RBPJ: variants seen among roughly 807,000 people sequenced by gnomAD.
RBPJ encodes recombination signal binding protein for immunoglobulin kappa J region.
In RBPJ, 9 loss-of-function variants were observed where a neutral mutation model predicts 67.8. The observed-to-expected ratio is 0.13, with a 90% CI of 0.08 to 0.23. RBPJ has a LOEUF of 0.23. Among genes scored for constraint, RBPJ ranks in the 10% least tolerant of loss-of-function variants. The probability of loss-of-function intolerance (pLI) is 1.00; values close to 1 mark genes in which losing one functional copy is unlikely to be tolerated. For synonymous variants in RBPJ, 198 were observed against 203.3 expected, an observed-to-expected ratio of 0.97 and a Z score of 0.22; for missense variants, 305 against 595.6, an observed-to-expected ratio of 0.51 and a Z score of 5.08.
Position 26,434,581 on chromosome 4 carries a change from T to G in RBPJ, c.*3574T>G, listed in dbSNP as rs1417781524. On this transcript the variant is annotated 3_prime_UTR_variant, in exon 11 of 11. Coordinates refer to ENST00000355476, the MANE Select transcript of RBPJ (RefSeq NM_015874.6). ...TATATTAGGGTTTCTGTTTAACCCTTTCAGGACTGAACTGTATCTCCTTTT... is the reference window on the plus strand; with the variant it reads ...TATATTAGGGTTTCTGTTTAACCCTGTCAGGACTGAACTGTATCTCCTTTT... 1.3e-5 allele frequency: 2 copies of G among 152,232 alleles called. No homozygotes were observed. Among genetic ancestry groups the G allele is most frequent in the African/African-American group, 4.8e-5 (2 of 41,466 alleles). 9.4% of individuals were successfully genotyped at this position (152,232 alleles called of 1,614,324 possible).
chr4:26,195,947 T>C (rs933430013), intron 1 of RBPJ, among the ~76,000 whole-genome samples: 2 of 151,772 alleles, frequency 1.3e-5, no homozygotes, highest in Non-Finnish European at 2.9e-5. Context: ...TATTTTCAAA[T>C]TGAGTGCACA....
chr4:26,139,290 G>A, the RBPJ span, among the ~76,000 whole-genome samples: 1 of 152,232 alleles, frequency 6.6e-6, no homozygotes, highest in Non-Finnish European at 1.5e-5. Flanking sequence ...TAAGTGCTTA[G>A]TGTAGTGCCC....
At position 26,420,720 on chromosome 4, in the gene RBPJ, C is replaced by T. The variant is rs770605972; in HGVS notation, c.491C>T (p.Ala164Val). Residue 164 changes from alanine (A) to valine (V), a missense_variant, in exon 5 of 11, where the codon GCT (alanine) becomes GTT (valine). By Grantham distance (64) the Ala-to-Val change is moderately conservative. Around this residue, in one of 7 missense-constraint regions of RBPJ, gnomAD observed 66 missense variants for 226.0 expected, o/e 0.29. Coordinates refer to ENST00000355476, the MANE Select transcript of RBPJ (RefSeq NM_015874.6). ...PSKKKQSLKN[A>V]DLCIASGTKV... is the part of the protein sequence containing the mutation. The stretch of plus-strand genomic sequence containing the variant: ...AAAAAGAAGCAGTCATTGAAAAATG[C>T]TGACTGTATGTATGCTTTTCTTATT... 2 of 1,609,280 alleles carry T rather than the reference C, an allele frequency of 1.2e-6. No individual in the cohort carries two copies. The highest frequency in any genetic ancestry group is 1.7e-6 in the Non-Finnish European group (2 of 1,177,806).
chr4:26,376,393 G>T (rs1447331447), intron 1 of RBPJ, among the ~76,000 whole-genome samples: 3 of 152,138 alleles, frequency 2.0e-5, no homozygotes, highest in Non-Finnish European at 4.4e-5. Context: ...GTCCTTTTGT[G>T]TTTGGCTTAT....
chr4:26,193,380 A>G (rs958791724), intron 1 of RBPJ, among the ~76,000 whole-genome samples: 3 of 152,212 alleles, frequency 2.0e-5, no homozygotes, highest in African/African-American at 4.8e-5. Flanking sequence ...CAGTTTTGGA[A>G]TAAGTAAAGG....
chr4:26,117,073 G>T, the RBPJ span, among the ~76,000 whole-genome samples: 12 of 152,166 alleles, frequency 7.9e-5, no homozygotes, highest in Non-Finnish European at 1.6e-4. Context: ...CACAAAGTTG[G>T]CCACTCAATT....
the RBPJ span, among the ~76,000 whole-genome samples, chr4:26,154,148 T>G: frequency 1.3e-5 from 2 of 152,026 alleles, no homozygotes; most frequent in Non-Finnish European, 2.9e-5. Flanking sequence ...AGAGCTCCCC[T>G]CCACTCTGTG....
the RBPJ span, among the ~76,000 whole-genome samples, chr4:26,124,931 A>G: frequency 1.3e-5 from 2 of 152,152 alleles, no homozygotes; most frequent in Non-Finnish European, 2.9e-5. Context: ...CAGGACTGCT[A>G]TGGCAACAGC....
chr4:26,225,097 T>C (rs907736417), intron 1 of RBPJ, among the ~76,000 whole-genome samples: 8 of 152,180 alleles, frequency 5.3e-5, no homozygotes, highest in Non-Finnish European at 1.5e-5. Flanking sequence ...TGATATAAAA[T>C]GTATAATATA....
At chr4:26,329,017 G>A (rs1028237748) in intron 1 of RBPJ, among the ~76,000 whole-genome samples, 5 of 152,096 alleles carry the variant, frequency 3.3e-5, no homozygotes, top group South Asian at 2.1e-4. Context: ...TTGTTTTGAC[G>A]GAGTTTTGCT....
At chr4:26,290,156 C>G (rs1721618987) in intron 1 of RBPJ, among the ~76,000 whole-genome samples, 1 of 148,852 alleles carries the variant, frequency 6.7e-6, no homozygotes, top group South Asian at 2.1e-4. Context: ...ACAGCGAGAC[C>G]CCACCTCCCA....
intron 1 of RBPJ, among the ~76,000 whole-genome samples, chr4:26,310,665 CTTTTTT>C (rs11289709): frequency 9.3e-6 from 1 of 107,456 alleles, no homozygotes; most frequent in Admixed American, 1.0e-4. Context: ...CCTGTTTTAA[CTTTTTT>C]TTTTTTTTTT....
intron 1 of RBPJ, among the ~76,000 whole-genome samples, chr4:26,256,657 T>G (rs1019087656): frequency 6.6e-6 from 1 of 152,220 alleles, no homozygotes; most frequent in Non-Finnish European, 1.5e-5. Flanking sequence ...ACAGGAAATT[T>G]CTTCCATAGC....
chr4:26,229,407 G>A (rs1719196828), intron 1 of RBPJ, among the ~76,000 whole-genome samples: 1 of 152,118 alleles, frequency 6.6e-6, no homozygotes, highest in Non-Finnish European at 1.5e-5. Context: ...CTCCATTTTA[G>A]CATTTTCTTC....
upstream of RBPJ, among the ~76,000 whole-genome samples, chr4:26,316,346 C>G (rs998717651): frequency 6.9e-6 from 1 of 145,172 alleles, no homozygotes; most frequent in Non-Finnish European, 1.5e-5. Flanking sequence ...TTCATATATA[C>G]ATATTCATAT....
chr4:26,372,582 G>A (rs913008173), intron 1 of RBPJ, among the ~76,000 whole-genome samples: 3 of 152,040 alleles, frequency 2.0e-5, no homozygotes, highest in Admixed American at 6.6e-5. Flanking sequence ...TCTGAAAATC[G>A]TGTCCACTTC....
At chr4:26,184,043 A>AT (rs1398166379) in intron 1 of RBPJ, among the ~76,000 whole-genome samples, 2 of 151,740 alleles carry the variant, frequency 1.3e-5, no homozygotes, top group African/African-American at 4.8e-5. Context: ...TTAGCCAGGC[A>AT]TGGTGGTGGG....
chr4:26,224,797 GACAA>G (rs1419384087), intron 1 of RBPJ, among the ~76,000 whole-genome samples: 22 of 152,218 alleles, frequency 1.4e-4, no homozygotes, highest in African/African-American at 5.3e-4. Context: ...TCAGTAAATT[GACAA>G]ACAGTTTTCC....
chr4:26,429,129 C>T (rs1295871507), intron 8 of RBPJ, among the ~76,000 whole-genome samples: 1 of 152,062 alleles, frequency 6.6e-6, no homozygotes, highest in East Asian at 1.9e-4. Context: ...AACAAAGAGC[C>T]CCTCAGGATA....
Sources: gnomAD v4.1 joint callset for allele counts (sites outside exome capture counted in the v4.1 genomes callset) on GRCh38, gnomAD v4.1.1 for gene constraint, gnomAD v4.1.1 regional missense constraint, MANE v1.5 for transcripts, NCBI Gene and HGNC (gene_info 2026-07-23, HGNC 2026-07-21) for gene names.